The following THSD4 variants were observed in gnomAD, a reference collection of about 807,000 sequenced individuals.
THSD4 encodes the protein thrombospondin type-1 domain-containing protein 4.
THSD4 carries 69 observed loss-of-function variants against 119.0 expected under a neutral mutation model. The observed-to-expected ratio is 0.58, with a 90% CI of 0.48 to 0.71. The LOEUF (loss-of-function observed/expected upper bound fraction) is 0.71. Among genes scored for constraint, THSD4 ranks in the 30% least tolerant of loss-of-function variants. THSD4 has a pLI of 0.00. For synonymous variants in THSD4, 524 were observed against 540.4 expected, an observed-to-expected ratio of 0.97 and a Z score of 0.42; for missense variants, 1,393 against 1,391.1, an observed-to-expected ratio of 1.00 and a Z score of -0.02.
chr15:71,732,194 T>G (rs1037371243), intron 10 of THSD4: 1 of 152,268 alleles, frequency 6.6e-6, no homozygotes, highest in Non-Finnish European at 1.5e-5. Flanking sequence ...TAAGGTAGCA[T>G]GTTCACAGAT....
chr15:71,447,298 T>G (rs1009433466), intron 7 of THSD4, among the ~76,000 whole-genome samples: 1 of 151,954 alleles, frequency 6.6e-6, no homozygotes, highest in East Asian at 1.9e-4. Context: ...TTTTTGTATT[T>G]TTAGTAGAGA....
intron 6 of THSD4, among the ~76,000 whole-genome samples, chr15:71,307,698 G>C (rs1196997220): frequency 2.6e-5 from 4 of 152,188 alleles, no homozygotes; most frequent in African/African-American, 9.7e-5. Context: ...AACCTGGGAG[G>C]TGGAGGTTGC....
chr15:71,442,605 T>A (rs2047116484), intron 7 of THSD4, among the ~76,000 whole-genome samples: 1 of 18,082 alleles, frequency 5.5e-5, no homozygotes, highest in African/African-American at 1.2e-4. Context: ...TATATATGTG[T>A]GTGTGTGTGT....
At chr15:71,552,235 A>C (rs970704198) in intron 7 of THSD4, among the ~76,000 whole-genome samples, 2 of 152,152 alleles carry the variant, frequency 1.3e-5, no homozygotes, top group African/African-American at 4.8e-5. Flanking sequence ...TGGGCCTATG[A>C]AAGTTCTCAA....
intron 6 of THSD4, among the ~76,000 whole-genome samples, chr15:71,387,026 CTT>C (rs953310957): frequency 2.6e-5 from 4 of 152,096 alleles, no homozygotes; most frequent in African/African-American, 9.7e-5. Flanking sequence ...TTTGTGCTGT[CTT>C]TTTCTTTTCT....
At chr15:71,765,941 G>C (rs1009767132) in intron 16 of THSD4, among the ~76,000 whole-genome samples, 1 of 152,090 alleles carries the variant, frequency 6.6e-6, no homozygotes, top group African/African-American at 2.4e-5. Flanking sequence ...TAGTATACCA[G>C]ATCCTGCAAA....
chr15:71,598,938 G>T (rs569744792), intron 7 of THSD4, among the ~76,000 whole-genome samples: 1 of 152,232 alleles, frequency 6.6e-6, no homozygotes, highest in African/African-American at 2.4e-5. Context: ...TTTAAAGATT[G>T]ACAAAGGCAT....
chr15:71,341,399 T>C (rs1218792529), intron 6 of THSD4: 1 of 1,611,860 alleles, frequency 6.2e-7, no homozygotes, highest in Non-Finnish European at 8.5e-7. Context: ...ATCTAAACCC[T>C]TAAGTTCAGC....
intron 7 of THSD4, among the ~76,000 whole-genome samples, chr15:71,523,814 C>T (rs2048477247): frequency 6.6e-6 from 1 of 152,202 alleles, no homozygotes; most frequent in South Asian, 2.1e-4. Flanking sequence ...GACACCAAGG[C>T]ATATTTCCCC....
At chr15:71,743,580 TC>T (rs2053277070) in intron 11 of THSD4, among the ~76,000 whole-genome samples, 1 of 152,226 alleles carries the variant, frequency 6.6e-6, no homozygotes, top group Non-Finnish European at 1.5e-5. Context: ...GTTCTTTGCA[TC>T]CCATTAACTT....
intron 7 of THSD4, among the ~76,000 whole-genome samples, chr15:71,640,185 C>T (rs566153624): frequency 3.3e-5 from 5 of 152,142 alleles, no homozygotes; most frequent in South Asian, 2.1e-4. Context: ...TGGGCTCAAG[C>T]GATCCTCCTA....
chr15:71,774,771 C>T (rs539444025), intron 17 of THSD4, among the ~76,000 whole-genome samples: 24 of 145,302 alleles, frequency 1.7e-4, no homozygotes, highest in African/African-American at 6.3e-4. Context: ...AGAAAGACCC[C>T]ATCTCTGAAA....
At chr15:71,561,856 T>A (rs547682963) in intron 7 of THSD4, among the ~76,000 whole-genome samples, 1 of 145,954 alleles carries the variant, frequency 6.9e-6, no homozygotes, top group East Asian at 2.0e-4. Flanking sequence ...GGACTCCTTT[T>A]AAAATAAACA....
chr15:71,553,995 G>A (rs1210271774), intron 7 of THSD4, among the ~76,000 whole-genome samples: 1 of 151,320 alleles, frequency 6.6e-6, no homozygotes, highest in Non-Finnish European at 1.5e-5. Flanking sequence ...CTAGACCAGG[G>A]TTTTGATAGT....
At chr15:71,505,751 G>T (rs57264169) in intron 7 of THSD4, among the ~76,000 whole-genome samples, 5,083 of 152,254 alleles carry the variant, frequency 0.033, 287 homozygotes, top group African/African-American at 0.11. Context: ...TCTTGCAACA[G>T]GAAAGTCCTG....
chr15:71,547,591 G>A, intron 7 of THSD4: 1 of 1,285,628 alleles, frequency 7.8e-7, no homozygotes, highest in Non-Finnish European at 1.0e-6. Context: ...GGTGCAAAGA[G>A]TAATGCTTTA....
chr15:71,267,370 T>A (rs1205222364), intron 6 of THSD4, among the ~76,000 whole-genome samples: 1 of 151,818 alleles, frequency 6.6e-6, no homozygotes, highest in Non-Finnish European at 1.5e-5. Context: ...CTAAGCTTCA[T>A]AAGTGAAGGA....
intron 7 of THSD4, among the ~76,000 whole-genome samples, chr15:71,610,762 T>C (rs1339304058): frequency 6.6e-6 from 1 of 152,226 alleles, no homozygotes; most frequent in East Asian, 1.9e-4. Flanking sequence ...TATAGCTCTT[T>C]CCTTACATAA....
At chr15:71,501,066 G>GCC (rs2048105231) in intron 7 of THSD4, among the ~76,000 whole-genome samples, 3 of 152,128 alleles carry the variant, frequency 2.0e-5, no homozygotes, top group Non-Finnish European at 2.9e-5. Flanking sequence ...ATTGCTTTGG[G>GCC]TAGCATGGAT....
Sources: allele counts gnomAD v4.1 joint callset (sites outside exome capture counted in the v4.1 genomes callset), GRCh38; gene constraint gnomAD v4.1.1; transcripts MANE v1.5; gene names NCBI Gene and HGNC (gene_info 2026-07-23, HGNC 2026-07-21).